WDPCP: variants seen among roughly 807,000 people sequenced by gnomAD.
WDPCP encodes the protein WD repeat containing planar cell polarity effector.
A neutral mutation model predicts 93.1 loss-of-function variants in WDPCP; 71 were observed. The ratio of observed to expected loss-of-function variants is 0.76; its 90% CI spans 0.63 to 0.93. WDPCP has a LOEUF of 0.93. Among genes scored for constraint, WDPCP ranks in the 40% least tolerant of loss-of-function variants. WDPCP has a pLI of 0.00. For synonymous variants in WDPCP, 315 were observed against 315.0 expected (o/e 1.00, Z 0.00); for missense variants, 844 against 887.4 (o/e 0.95, Z 0.62).
At chr2:63,539,438 G>C (rs550043325) in intron 1 of WDPCP, among the ~76,000 whole-genome samples, 1 of 152,124 alleles carries the variant, frequency 6.6e-6, no homozygotes, top group Admixed American at 6.5e-5. Flanking sequence ...ACTCATGCCC[G>C]TAATCCCAGC....
chr2:63,455,405 C>T (rs959774473), intron 6 of WDPCP, among the ~76,000 whole-genome samples: 20 of 131,654 alleles, frequency 1.5e-4, no homozygotes, highest in Admixed American at 4.8e-4. Context: ...ATGTACTTTA[C>T]TTGTAAAGAT....
chr2:63,492,462 AT>A (rs1008414293), intron 2 of WDPCP, among the ~76,000 whole-genome samples: 13 of 151,904 alleles, frequency 8.6e-5, no homozygotes, highest in Non-Finnish European at 1.8e-4. Context: ...CAGAAAAAAA[AT>A]TGAATATGTA....
At chr2:63,692,516 G>C (rs1377651420) in intron 2 of WDPCP, among the ~76,000 whole-genome samples, 2 of 152,100 alleles carry the variant, frequency 1.3e-5, no homozygotes, top group African/African-American at 4.8e-5. Flanking sequence ...AGAGCAAATT[G>C]ACTGGAATTA....
intron 13 of WDPCP, among the ~76,000 whole-genome samples, chr2:63,269,177 T>G (rs1682417700): frequency 6.6e-6 from 1 of 152,196 alleles, no homozygotes; most frequent in Non-Finnish European, 1.5e-5. Flanking sequence ...CAGTGTTACT[T>G]AGTTGATAGA....
chr2:63,478,992 C>T (rs1700118909), intron 6 of WDPCP, among the ~76,000 whole-genome samples: 2 of 150,888 alleles, frequency 1.3e-5, no homozygotes, highest in Non-Finnish European at 3.0e-5. Context: ...AAGTTCAAAA[C>T]GGGAGATATT....
chr2:63,722,938 T>C (rs1211435803), intron 2 of WDPCP, among the ~76,000 whole-genome samples: 9 of 152,108 alleles, frequency 5.9e-5, no homozygotes, highest in Non-Finnish European at 7.4e-5. Context: ...TGTTCTGTAC[T>C]AAGAAAACTT....
At chr2:63,482,562 A>G (rs573740600) in intron 6 of WDPCP, among the ~76,000 whole-genome samples, 28 of 152,094 alleles carry the variant, frequency 1.8e-4, no homozygotes, top group African/African-American at 6.7e-4. Context: ...GAACATCAAA[A>G]TTTTAATTTA....
chr2:63,712,618 AC>A (rs1458272303), intron 2 of WDPCP, among the ~76,000 whole-genome samples: 4 of 152,208 alleles, frequency 2.6e-5, no homozygotes, highest in African/African-American at 9.6e-5. Context: ...CCTGTCTGCC[AC>A]TACCAGTTAT....
intron 2 of WDPCP, among the ~76,000 whole-genome samples, chr2:63,809,066 C>T (rs1482335111): frequency 2.0e-5 from 3 of 151,730 alleles, no homozygotes; most frequent in African/African-American, 4.8e-5. Flanking sequence ...CGTCTCTGAC[C>T]GGCCGCCCCG....
At chr2:63,440,622 T>G (rs1161898138) in intron 6 of WDPCP, 3 of 152,626 alleles carry the variant, frequency 2.0e-5, no homozygotes, top group African/African-American at 7.2e-5. Context: ...CATCTCCAAA[T>G]GTTTAAAACT....
At chr2:63,463,994 T>C (rs1699191612) in intron 6 of WDPCP, among the ~76,000 whole-genome samples, 1 of 151,966 alleles carries the variant, frequency 6.6e-6, no homozygotes, top group Non-Finnish European at 1.5e-5. Context: ...CAAAAGCACA[T>C]ACTACAAAAG....
At chr2:63,800,111 A>G (rs990739562) in intron 2 of WDPCP, among the ~76,000 whole-genome samples, 1 of 152,200 alleles carries the variant, frequency 6.6e-6, no homozygotes, top group African/African-American at 2.4e-5. Flanking sequence ...GTCTTTGTGA[A>G]TATTCACTGA....
At chr2:63,574,399 G>A (rs1160874027) in intron 1 of WDPCP, among the ~76,000 whole-genome samples, 3 of 152,110 alleles carry the variant, frequency 2.0e-5, no homozygotes, top group African/African-American at 7.2e-5. Flanking sequence ...ATATCTGGCT[G>A]AATTTCCCCC....
intron 13 of WDPCP, among the ~76,000 whole-genome samples, chr2:63,271,768 C>T (rs186569644): frequency 1.6e-3 from 244 of 152,182 alleles, no homozygotes; most frequent in African/African-American, 5.4e-3. Flanking sequence ...AGCACCTGCA[C>T]CTGCCTTTTG....
At chr2:63,471,616 CTTA>C (rs1247198858) in intron 6 of WDPCP, among the ~76,000 whole-genome samples, 6 of 152,152 alleles carry the variant, frequency 3.9e-5, no homozygotes, top group Admixed American at 1.3e-4. Context: ...TACCATATCT[CTTA>C]TTATCTCTTA....
At chr2:63,616,536 T>C (rs1205590087) in intron 3 of WDPCP, among the ~76,000 whole-genome samples, 1 of 152,180 alleles carries the variant, frequency 6.6e-6, no homozygotes, top group Non-Finnish European at 1.5e-5. Flanking sequence ...TATCCTTTAC[T>C]CTATAGCATA....
intron 9 of WDPCP, among the ~76,000 whole-genome samples, chr2:63,411,176 T>A (rs1018038813): frequency 1.3e-5 from 2 of 152,038 alleles, no homozygotes; most frequent in African/African-American, 4.8e-5. Flanking sequence ...AATTGAAATA[T>A]CAAACACTCT....
chr2:63,623,005 C>A (rs542413715), intron 3 of WDPCP, among the ~76,000 whole-genome samples: 1 of 152,190 alleles, frequency 6.6e-6, no homozygotes, highest in Non-Finnish European at 1.5e-5. Context: ...GTTGTCCGAC[C>A]GCGCGCCACT....
At chr2:63,493,389 G>A (rs560090091) in intron 1 of WDPCP, among the ~76,000 whole-genome samples, 2 of 152,134 alleles carry the variant, frequency 1.3e-5, no homozygotes, top group South Asian at 2.1e-4. Flanking sequence ...ATACAAACAG[G>A]CTAATTAAAG....
Sources: gnomAD v4.1 joint callset for allele counts (sites outside exome capture counted in the v4.1 genomes callset) on GRCh38, gnomAD v4.1.1 for gene constraint, MANE v1.5 for transcripts, NCBI Gene and HGNC (gene_info 2026-07-23, HGNC 2026-07-21) for gene names.